The following MPZL1 variants were observed in gnomAD, a reference collection of about 807,000 sequenced individuals.
MPZL1 encodes the protein myelin protein zero-like protein 1.
Under a neutral mutation model 29.3 loss-of-function variants are expected in MPZL1, and 16 were observed. The ratio of observed to expected loss-of-function variants is 0.55; its 90% CI spans 0.37 to 0.83. MPZL1 has a LOEUF of 0.83. Ranked by LOEUF, MPZL1 falls within the 40% of genes least tolerant of loss-of-function variation. The probability of loss-of-function intolerance (pLI) is 0.00; values close to 1 mark genes in which losing one functional copy is unlikely to be tolerated. For missense variants in MPZL1, 279 were observed against 332.9 expected, an observed-to-expected ratio of 0.84 and a Z score of 1.26; for synonymous variants, 143 against 132.0, an observed-to-expected ratio of 1.08 and a Z score of -0.57.
At chr1:167,787,725 C>T in intron 5 of MPZL1, 95 bp from the exon 6 acceptor site, 1 of 881,278 alleles carries the variant, frequency 1.1e-6, no homozygotes, top group East Asian at 2.4e-5. Context: ...GCTTTGGAAC[C>T]CTGATGTGAT....
At position 167,722,071 on chromosome 1, in the gene MPZL1, C is replaced by T. The variant is rs1660039501; in HGVS notation, c.-81C>T. The stretch of plus-strand genomic sequence containing the variant: ...CGGGTGGCGGAGAGATCAGAAGCCT[C>T]TTCCCCAAGCCGAGCCAACCTCAGC... On this transcript the variant is annotated 5_prime_UTR_variant, in exon 1 of 6. Coordinates refer to ENST00000359523, the MANE Select transcript of MPZL1 (RefSeq NM_003953.6). 8.1e-7 allele frequency: 1 copy of T among 1,230,308 alleles called. No homozygotes were observed. Among genetic ancestry groups the T allele is most frequent in the Non-Finnish European group, 1.0e-6 (1 of 986,840 alleles). 76.2% of individuals were successfully genotyped at this position (1,230,308 alleles called of 1,614,324 possible).
chr1:167,727,716 A>G (rs1356095916), intron 1 of MPZL1, among the ~76,000 whole-genome samples: 1 of 152,094 alleles, frequency 6.6e-6, no homozygotes, highest in African/African-American at 2.4e-5. Flanking sequence ...AGTCCAGACA[A>G]AAGTCTTTGG....
Position 167,791,321 on chromosome 1 carries a change from A to T in MPZL1, c.*3400A>T, listed in dbSNP as rs1661710721. On this transcript the variant is annotated 3_prime_UTR_variant, in exon 6 of 6. Coordinates refer to ENST00000359523, the MANE Select transcript of MPZL1 (RefSeq NM_003953.6). ...AGTAGGTGGAAGCATTCATCCATTC[A>T]GCAACCTACACTGAGAACAATCCTG... 1 of 152,254 alleles carries T rather than the reference A, an allele frequency of 6.6e-6. No homozygotes were observed. The highest frequency in any genetic ancestry group is 2.4e-5 in the African/African-American group (1 of 41,460). The allele number at this position is 152,254 out of a possible 1,614,324, so 9.4% of individuals were successfully genotyped here.
Position 167,766,991 on chromosome 1 carries a change from C to T in MPZL1, c.258+1242C>T, listed in dbSNP as rs576561037. On this transcript the variant is annotated intron_variant, in intron 2 of 5. Transcript: ENST00000359523. ...TTCACATTTTTCTTAATCTCTGCCC[C>T]CTTCCATGAAATTTTAATATTGTAG... Among the ~76,000 whole-genome samples the T allele has an allele frequency of 1.4e-3, 215 of 152,134 alleles. 3 individuals carry two copies. In the South Asian group the frequency reaches 0.019, roughly 14 times the overall value.
At chr1:167,783,016 AATT>A (rs1661525151) in intron 5 of MPZL1, among the ~76,000 whole-genome samples, 3 of 152,214 alleles carry the variant, frequency 2.0e-5, no homozygotes, top group Admixed American at 6.5e-5. Flanking sequence ...ACACCTTTAA[AATT>A]GTCTTTATTC....
chr1:167,776,221 T>C, intron 5 of MPZL1, 55 bp downstream of exon 5: 1 of 1,295,984 alleles, frequency 7.7e-7, no homozygotes. Context: ...CTTGGTGCTC[T>C]GTCACTTCCT....
intron 1 of MPZL1, among the ~76,000 whole-genome samples, chr1:167,761,474 C>G (rs1222134574): frequency 6.6e-6 from 1 of 152,004 alleles, no homozygotes; most frequent in African/African-American, 2.4e-5. Flanking sequence ...AGAATGGGCA[C>G]AGATGCAGGG....
intron 2 of MPZL1, among the ~76,000 whole-genome samples, chr1:167,769,170 G>A (rs778840702): frequency 6.6e-6 from 1 of 152,116 alleles, no homozygotes; most frequent in Non-Finnish European, 1.5e-5. Flanking sequence ...TGGTTGTGAG[G>A]GCTAGAGAGT....
chr1:167,772,503 A>G lies in MPZL1; in HGVS notation c.472+15A>G, dbSNP rs546968980. ...CGTAGAAAAAGGTACTTCCTTGAGT[A>G]TTTTGGCAGTAATAATGCAGTCTCC... is the stretch of plus-strand genomic sequence containing the variant. On this transcript the variant is annotated intron_variant, in intron 3 of 5. Coordinates refer to ENST00000359523, the MANE Select transcript of MPZL1 (RefSeq NM_003953.6). 6.3e-7 allele frequency: 1 copy of G among 1,595,778 alleles called. No homozygotes were observed. The highest frequency in any genetic ancestry group is 2.2e-5 in the East Asian group (1 of 44,802).
chr1:167,745,935 T>TAA (rs948061060), intron 1 of MPZL1, among the ~76,000 whole-genome samples: 25 of 152,130 alleles, frequency 1.6e-4, no homozygotes, highest in Non-Finnish European at 3.5e-4. Flanking sequence ...GGATATGCCT[T>TAA]ACAATTGTTG....
rs1661721161 is a variant in MPZL1 at position 167,791,800 on chromosome 1, AGGTG to A, written c.*3881_*3884del. 1 of 139,334 alleles carries A rather than the reference AGGTG, an allele frequency of 7.2e-6. No homozygotes were observed. The highest frequency in any genetic ancestry group is 7.1e-5 in the Admixed American group (1 of 14,070). The allele number at this position is 139,334 out of a possible 1,614,324, so 8.6% of individuals were successfully genotyped here. ...GGAACTTGAGAGGGTAGTGTAGTCTAGGTGGTAGGCACAGATGTCTGAGAGCTTT... is the reference window on the plus strand; with the variant it reads ...GGAACTTGAGAGGGTAGTGTAGTCTAGTAGGCACAGATGTCTGAGAGCTTT... On this transcript the variant is annotated 3_prime_UTR_variant, in exon 6 of 6. Transcript: ENST00000359523.
intron 5 of MPZL1, among the ~76,000 whole-genome samples, chr1:167,786,462 T>G (rs1352388784): frequency 1.3e-5 from 2 of 152,238 alleles, no homozygotes; most frequent in African/African-American, 2.4e-5. Context: ...AAGAAACTTG[T>G]GCTTAGAAAT....
At chr1:167,744,736 C>A (rs1352117091) in intron 1 of MPZL1, among the ~76,000 whole-genome samples, 1 of 150,164 alleles carries the variant, frequency 6.7e-6, no homozygotes, top group African/African-American at 2.4e-5. Context: ...TTTTCTCCTT[C>A]CAAGTTCACA....
At chr1:167,769,448 A>G (rs958070567) in intron 2 of MPZL1, among the ~76,000 whole-genome samples, 8 of 152,158 alleles carry the variant, frequency 5.3e-5, no homozygotes, top group East Asian at 1.9e-4. Flanking sequence ...CTGTGATGCA[A>G]CGCCTCTGCC....
chr1:167,767,011 T>C (rs546081441), intron 2 of MPZL1, among the ~76,000 whole-genome samples: 119 of 152,354 alleles, frequency 7.8e-4, no homozygotes, highest in African/African-American at 2.8e-3. Flanking sequence ...AATTTTAATA[T>C]TGTAGATATC....
chr1:167,750,107 A>C (rs185456120), intron 1 of MPZL1, among the ~76,000 whole-genome samples: 1 of 152,282 alleles, frequency 6.6e-6, no homozygotes, highest in East Asian at 1.9e-4. Context: ...TTTTGATATA[A>C]TTTCTCATTT....
At chr1:167,760,468 G>T (rs1043222969) in intron 1 of MPZL1, among the ~76,000 whole-genome samples, 1 of 152,142 alleles carries the variant, frequency 6.6e-6, no homozygotes, top group Admixed American at 6.5e-5. Context: ...CTCCCAAAGT[G>T]CTGGGATTAC....
rs1429258410 is a variant in MPZL1, at chr1:167,788,802, G to A, written c.*881G>A. ...AGGAGAGGAGTTTCTTTCCTTCTAA[G>A]TAGGCAGAAATGGTATCATTATGTT... On this transcript the variant is annotated 3_prime_UTR_variant, in exon 6 of 6. Transcript: ENST00000359523. 1 of 151,580 alleles carries A rather than the reference G, an allele frequency of 6.6e-6. No individual in the cohort carries two copies. The highest frequency in any genetic ancestry group is 1.5e-5 in the Non-Finnish European group (1 of 67,984). The allele number at this position is 151,580 out of a possible 1,614,324, so 9.4% of individuals were successfully genotyped here.
At chr1:167,739,058 C>CA (rs1171260410) in intron 1 of MPZL1, among the ~76,000 whole-genome samples, 15 of 151,906 alleles carry the variant, frequency 9.9e-5, no homozygotes, top group African/African-American at 3.6e-4. Flanking sequence ...TCTCCCACCT[C>CA]AGTCTCGCGA....
Sources: gnomAD v4.1 joint callset for allele counts (sites outside exome capture counted in the v4.1 genomes callset) on GRCh38, gnomAD v4.1.1 for gene constraint, MANE v1.5 for transcripts, NCBI Gene and HGNC (gene_info 2026-07-23, HGNC 2026-07-21) for gene names.